AKAP13: variants seen among roughly 807,000 people sequenced by gnomAD.
The protein encoded by AKAP13 is A-kinase anchoring protein 13.
In AKAP13, 80 loss-of-function variants were observed where a neutral mutation model predicts 264.5. The ratio of observed to expected loss-of-function variants is 0.30; its 90% CI spans 0.25 to 0.36. AKAP13 has a LOEUF of 0.36. Ranked by LOEUF, AKAP13 falls within the 10% of genes least tolerant of loss-of-function variation. The pLI, the probability that AKAP13 is intolerant of heterozygous loss-of-function variation, is 1.00. For missense variants in AKAP13, 3,712 were observed against 3,435.2 expected (o/e 1.08, Z -2.01); for synonymous variants, 1,380 against 1,250.2 (o/e 1.10, Z -2.19).
chr15:85,541,240 G>T (rs1485224121), intron 4 of AKAP13, among the ~76,000 whole-genome samples: 1 of 152,194 alleles, frequency 6.6e-6, no homozygotes, highest in African/African-American at 2.4e-5. Context: ...GCATGCTGAA[G>T]TATTTTGGGG....
chr15:85,682,218 A>G lies in AKAP13; in HGVS notation c.5156+6A>G, dbSNP rs2084638815. ...AGTGCTAATCTGACTGAGAGGTACT[A>G]TAAATTTGTTACTCCTTTTTCCAGA... On this transcript the variant is annotated splice_donor_region_variant and intron_variant, in intron 15 of 36. Coordinates refer to ENST00000394518, the MANE Select transcript of AKAP13 (RefSeq NM_007200.5). 6 of 1,612,502 alleles carry G rather than the reference A, an allele frequency of 3.7e-6. No homozygotes were observed. Among genetic ancestry groups the G allele is most frequent in the South Asian group, 1.1e-5 (1 of 90,976 alleles).
intron 1 of AKAP13, among the ~76,000 whole-genome samples, chr15:85,394,788 TA>T (rs1337290242): frequency 6.6e-6 from 1 of 152,170 alleles, no homozygotes; most frequent in Non-Finnish European, 1.5e-5. Context: ...TGTGAAATGG[TA>T]TTTGCTGACT....
intron 2 of AKAP13, among the ~76,000 whole-genome samples, chr15:85,518,118 G>A (rs2076675939): frequency 6.6e-6 from 1 of 152,172 alleles, no homozygotes; most frequent in African/African-American, 2.4e-5. Flanking sequence ...TTGTAGGCTG[G>A]TCTTTCCCAG....
At chr15:85,623,915 A>G (rs1567161297) in intron 8 of AKAP13, among the ~76,000 whole-genome samples, 1 of 152,266 alleles carries the variant, frequency 6.6e-6, no homozygotes, top group Non-Finnish European at 1.5e-5. Context: ...TTTGGTACCA[A>G]TATGCCCATT....
At chr15:85,392,584 T>C (rs184735418) in intron 1 of AKAP13, among the ~76,000 whole-genome samples, 3 of 152,264 alleles carry the variant, frequency 2.0e-5, no homozygotes, top group African/African-American at 7.2e-5. Flanking sequence ...TTCTTTTTTT[T>C]GTTAAGAAAT....
intron 12 of AKAP13, among the ~76,000 whole-genome samples, chr15:85,661,950 A>G (rs1366502285): frequency 6.6e-6 from 1 of 151,418 alleles, no homozygotes; most frequent in Non-Finnish European, 1.5e-5. Flanking sequence ...ACCAGAGCAC[A>G]GTTTGTCACT....
At position 85,665,635 on chromosome 15, in the gene AKAP13, C is replaced by T. The variant is rs554213136; in HGVS notation, c.4992+880C>T. Among the ~76,000 whole-genome samples, 376 of 152,284 alleles carry T rather than the reference C, an allele frequency of 2.5e-3. 3 individuals carry two copies. The highest frequency in any genetic ancestry group is 8.7e-3 in the African/African-American group (361 of 41,536). ...TGTTGGTTTGCTGCACCCATTAACT[C>T]GTCATTTACATTAGGTATTTCTCCT... On this transcript the variant is annotated intron_variant, in intron 13 of 36. Transcript: ENST00000394518.
At chr15:85,607,171 C>G (rs1453904350) in intron 8 of AKAP13, among the ~76,000 whole-genome samples, 1 of 150,018 alleles carries the variant, frequency 6.7e-6, no homozygotes, top group African/African-American at 2.5e-5. Flanking sequence ...CTTAGTAGTT[C>G]CTTTATTCTT....
At chr15:85,687,018 A>T (rs1364447311) in intron 16 of AKAP13, among the ~76,000 whole-genome samples, 1 of 152,208 alleles carries the variant, frequency 6.6e-6, no homozygotes, top group Non-Finnish European at 1.5e-5. Flanking sequence ...CCATCTCCCC[A>T]ATGTCATGGA....
intron 8 of AKAP13, among the ~76,000 whole-genome samples, chr15:85,626,166 C>CT (rs748127575): frequency 3.7e-4 from 57 of 152,332 alleles, no homozygotes; most frequent in Non-Finnish European, 4.7e-4. Flanking sequence ...GGCTCTGACT[C>CT]TAACTGTGTG....
intron 1 of AKAP13, among the ~76,000 whole-genome samples, chr15:85,387,469 C>A (rs1460795610): frequency 1.3e-5 from 2 of 152,114 alleles, no homozygotes; most frequent in Non-Finnish European, 2.9e-5. Context: ...TAGTTGGGAT[C>A]ACAGTCATGC....
At position 85,523,794 on chromosome 15, in the gene AKAP13, G is replaced by A. The variant is rs12324586; in HGVS notation, c.181+2219G>A. Among the ~76,000 whole-genome samples, 1,158 of 152,004 alleles carry A rather than the reference G, an allele frequency of 7.6e-3. 14 individuals carry two copies. Among genetic ancestry groups the A allele is most frequent in the African/African-American group, 0.027 (1,105 of 41,422 alleles). ...AATACACCCACACTCGCACTCACAC[G>A]TAACCCCCCTCCCCGCCCCCCTTTT... On this transcript the variant is annotated intron_variant, in intron 3 of 36. Coordinates refer to ENST00000394518, the MANE Select transcript of AKAP13 (RefSeq NM_007200.5).
chr15:85,619,703 G>A (rs1567158883), intron 8 of AKAP13: 5 of 995,622 alleles, frequency 5.0e-6, no homozygotes, highest in Admixed American at 6.0e-5. Context: ...TGTATCGGCC[G>A]TTATGCTTAG....
intron 1 of AKAP13, chr15:85,415,138 G>T (rs754385808): frequency 2.0e-5 from 15 of 765,756 alleles, no homozygotes; most frequent in Non-Finnish European, 3.1e-5. Flanking sequence ...GTTTCAGAGG[G>T]AAATACCTTT....
At chr15:85,740,382 G>A (rs1355048824) in intron 34 of AKAP13, 110 bp downstream of exon 34, 2 of 1,275,586 alleles carry the variant, frequency 1.6e-6, no homozygotes, top group Admixed American at 3.7e-5. Flanking sequence ...TGGATAAATG[G>A]GGCCCTCAGT....
intron 8 of AKAP13, among the ~76,000 whole-genome samples, chr15:85,600,315 AT>A (rs1280520654): frequency 2.4e-5 from 3 of 124,116 alleles, no homozygotes; most frequent in Admixed American, 8.9e-5. Context: ...AATAGCTTAG[AT>A]TTAAAAAAAA....
At chr15:85,461,304 C>T (rs1458167416) in intron 1 of AKAP13, among the ~76,000 whole-genome samples, 1 of 151,972 alleles carries the variant, frequency 6.6e-6, no homozygotes, top group Non-Finnish European at 1.5e-5. Context: ...TTAGTAGAGA[C>T]GGGGTTTTGC....
chr15:85,559,326 A>G (rs73450400), intron 5 of AKAP13, among the ~76,000 whole-genome samples: 1 of 152,162 alleles, frequency 6.6e-6, no homozygotes, highest in Non-Finnish European at 1.5e-5. Flanking sequence ...TAATATTTAA[A>G]TAGAAATCTC....
chr15:85,620,455 G>C (rs2081132363), intron 8 of AKAP13, among the ~76,000 whole-genome samples: 1 of 152,128 alleles, frequency 6.6e-6, no homozygotes, highest in Non-Finnish European at 1.5e-5. Context: ...GAAAATCACA[G>C]AGAGAGAAAT....
Sources: allele counts gnomAD v4.1 joint callset (sites outside exome capture counted in the v4.1 genomes callset), GRCh38; gene constraint gnomAD v4.1.1; transcripts MANE v1.5; gene names NCBI Gene and HGNC (gene_info 2026-07-23, HGNC 2026-07-21).